Variants in FRAS1 observed in about 807,000 individuals in gnomAD.
FRAS1 encodes Fraser extracellular matrix complex subunit 1, also known as extracellular matrix organizing protein FRAS1.
A neutral mutation model predicts 435.2 loss-of-function variants in FRAS1; 290 were observed. That is an observed-to-expected ratio of 0.67 (90% CI 0.61 to 0.73). FRAS1 has a LOEUF of 0.73. Ranked by LOEUF, FRAS1 falls within the 30% of genes least tolerant of loss-of-function variation. The probability of loss-of-function intolerance (pLI) is 0.00; values close to 1 mark genes in which losing one functional copy is unlikely to be tolerated. For synonymous variants in FRAS1, 1,800 were observed against 1,851.0 expected, an observed-to-expected ratio of 0.97 and a Z score of 0.71; for missense variants, 4,860 against 5,001.5, an observed-to-expected ratio of 0.97 and a Z score of 0.85.
chr4:78,081,294 A>G (rs1288527379), intron 2 of FRAS1, among the ~76,000 whole-genome samples: 1 of 152,168 alleles, frequency 6.6e-6, no homozygotes, highest in Non-Finnish European at 1.5e-5. Flanking sequence ...GTTGTTTGCT[A>G]CTCACATGTG....
intron 2 of FRAS1, among the ~76,000 whole-genome samples, chr4:78,179,592 A>G (rs540921207): frequency 6.6e-6 from 1 of 152,370 alleles, no homozygotes; most frequent in Admixed American, 6.5e-5. Flanking sequence ...TGTTGTTTGT[A>G]CAGAAATCCA....
At chr4:78,251,032 A>G (rs1725507309) in intron 4 of FRAS1, among the ~76,000 whole-genome samples, 1 of 152,006 alleles carries the variant, frequency 6.6e-6, no homozygotes, top group Non-Finnish European at 1.5e-5. Context: ...ATTTTATTTT[A>G]TATATTTTAT....
At chr4:78,502,894 T>C (rs1035302636) in intron 61 of FRAS1, among the ~76,000 whole-genome samples, 1 of 152,232 alleles carries the variant, frequency 6.6e-6, no homozygotes, top group Non-Finnish European at 1.5e-5. Flanking sequence ...ATTCCATCAA[T>C]ACCTAGTTTA....
intron 29 of FRAS1, among the ~76,000 whole-genome samples, chr4:78,391,095 G>C (rs963992329): frequency 1.3e-5 from 2 of 152,182 alleles, no homozygotes; most frequent in African/African-American, 4.8e-5. Flanking sequence ...TGGTGCCTGT[G>C]TTCCTGCCTT....
intron 2 of FRAS1, among the ~76,000 whole-genome samples, chr4:78,226,319 A>G (rs1052152144): frequency 1.3e-5 from 2 of 152,012 alleles, no homozygotes; most frequent in African/African-American, 4.8e-5. Flanking sequence ...CTGTGTTTCT[A>G]TTTAGAGTCA....
chr4:78,258,606 T>C (rs974317627), intron 6 of FRAS1, among the ~76,000 whole-genome samples: 1 of 127,818 alleles, frequency 7.8e-6, no homozygotes, highest in African/African-American at 2.7e-5. Context: ...ATTGCATTCT[T>C]GTGGGATGTT....
intron 2 of FRAS1, among the ~76,000 whole-genome samples, chr4:78,193,164 A>G (rs1298730018): frequency 6.6e-6 from 1 of 152,110 alleles, no homozygotes; most frequent in African/African-American, 2.4e-5. Context: ...CTGTTCTTTT[A>G]CACTTGCCAA....
intron 2 of FRAS1, among the ~76,000 whole-genome samples, chr4:78,170,000 A>C (rs1237539707): frequency 6.6e-6 from 1 of 152,168 alleles, no homozygotes; most frequent in African/African-American, 2.4e-5. Context: ...AATTTGAGCT[A>C]ATATATAAAG....
intron 2 of FRAS1, among the ~76,000 whole-genome samples, chr4:78,216,221 G>A (rs954595816): frequency 6.6e-6 from 1 of 152,218 alleles, no homozygotes; most frequent in Non-Finnish European, 1.5e-5. Context: ...AAATGGTTTA[G>A]ACGTCAGGCT....
chr4:78,464,614 G>A, intron 49 of FRAS1, 31 bp downstream of exon 49: 1 of 1,610,224 alleles, frequency 6.2e-7, no homozygotes, highest in Non-Finnish European at 8.5e-7. Flanking sequence ...GGGTTCTCTG[G>A]CTAAATGAGA....
intron 2 of FRAS1, among the ~76,000 whole-genome samples, chr4:78,094,104 GTTTT>G (rs71214395): frequency 0.052 from 5,527 of 106,582 alleles, 121 homozygotes; most frequent in Admixed American, 0.083. Context: ...GAATAACCAA[GTTTT>G]TTTTTTTTTT....
intron 2 of FRAS1, among the ~76,000 whole-genome samples, chr4:78,209,686 GAGGGC>G (rs1723421891): frequency 6.6e-6 from 1 of 152,182 alleles, no homozygotes; most frequent in African/African-American, 2.4e-5. Flanking sequence ...CTGTGGTTCT[GAGGGC>G]AGATCCTTAA....
chr4:78,117,592 C>T lies in FRAS1; in HGVS notation c.108+51576C>T, dbSNP rs576483711. On this transcript the variant is annotated intron_variant, in intron 2 of 73. Coordinates refer to ENST00000512123, the MANE Select transcript of FRAS1 (RefSeq NM_025074.7). ...TCATTTCATTCATTTGCTCTTCCGT[C>T]ACTGATACCCTTTCTTCTAGTTGAT... Among the ~76,000 whole-genome samples, 32 of 152,290 alleles carry T rather than the reference C, an allele frequency of 2.1e-4. No individual in the cohort carries two copies. In the South Asian group the frequency reaches 2.7e-3, roughly 13 times the overall value.
chr4:78,183,282 A>G (rs1388560858), intron 2 of FRAS1, among the ~76,000 whole-genome samples: 1 of 152,296 alleles, frequency 6.6e-6, no homozygotes, highest in African/African-American at 2.4e-5. Flanking sequence ...TCTGAAGTCT[A>G]CATCTCTAGG....
chr4:78,145,853 T>C (rs1720398127), intron 2 of FRAS1, among the ~76,000 whole-genome samples: 1 of 152,088 alleles, frequency 6.6e-6, no homozygotes, highest in Admixed American at 6.6e-5. Flanking sequence ...TCTGTTCTTG[T>C]GATAGTAAGT....
intron 2 of FRAS1, among the ~76,000 whole-genome samples, chr4:78,073,658 A>G (rs17002911): frequency 0.029 from 4,410 of 152,292 alleles, 195 homozygotes; most frequent in African/African-American, 0.1. Context: ...AATTTATGAC[A>G]CCTTATGGTA....
At chr4:78,438,842 G>T in intron 39 of FRAS1, 60 bp from the exon 40 acceptor site, 1 of 1,526,646 alleles carries the variant, frequency 6.6e-7, no homozygotes. Context: ...CAAAGATGCT[G>T]CTGTCTTACC....
At chr4:78,176,258 A>G (rs754585194) in intron 2 of FRAS1, among the ~76,000 whole-genome samples, 3 of 152,242 alleles carry the variant, frequency 2.0e-5, no homozygotes, top group Non-Finnish European at 4.4e-5. Context: ...CTAGAATGTC[A>G]TAGAATCTTG....
intron 2 of FRAS1, among the ~76,000 whole-genome samples, chr4:78,105,343 A>G (rs1742347724): frequency 6.6e-6 from 1 of 152,236 alleles, no homozygotes; most frequent in South Asian, 2.1e-4. Context: ...GTTGACAGGC[A>G]TCAGGAAGTT....
Sources: gnomAD v4.1 joint callset for allele counts (sites outside exome capture counted in the v4.1 genomes callset) on GRCh38, gnomAD v4.1.1 for gene constraint, MANE v1.5 for transcripts, NCBI Gene and HGNC (gene_info 2026-07-23, HGNC 2026-07-21) for gene names.